The following RUNDC3B variants were observed in gnomAD, a reference collection of about 807,000 sequenced individuals.
RUNDC3B encodes RUN domain-containing protein 3B.
In RUNDC3B, 33 loss-of-function variants were observed where a neutral mutation model predicts 58.4. The ratio of observed to expected loss-of-function variants is 0.56; its 90% confidence interval spans 0.43 to 0.75. The LOEUF is 0.75. Among genes scored for constraint, RUNDC3B ranks in the 30% least tolerant of loss-of-function variants. The pLI is 0.00. For missense variants in RUNDC3B, 501 were observed against 535.7 expected (o/e 0.94, Z 0.64); for synonymous variants, 193 against 195.2 (o/e 0.99, Z 0.10).
chr7:87,715,600 T>A (rs1830514912), intron 4 of RUNDC3B, among the ~76,000 whole-genome samples: 1 of 148,148 alleles, frequency 6.8e-6, no homozygotes, highest in Admixed American at 7.0e-5. Context: ...ATTTTAATAA[T>A]TTCTCTTTAA....
In RUNDC3B at chr7:87,830,076, A is replaced by G; in HGVS notation, c.*46A>G. ...AAACTTTTTATGTTGTAAATGTTTA[A>G]TTTACATGTTTGACTGCTGGGAAGA... On this transcript the variant is annotated 3_prime_UTR_variant, in exon 11 of 11. Transcript: ENST00000394654. The G allele has an allele frequency of 7.5e-7, 1 of 1,330,946 alleles. No individual in the cohort carries two copies. The highest frequency in any genetic ancestry group is 1.0e-6 in the Non-Finnish European group (1 of 970,240). 82.4% of individuals were successfully genotyped at this position (1,330,946 alleles called of 1,614,324 possible). A position where few individuals can be genotyped will look rare whatever the true frequency, so the allele number is the denominator to read the frequency against.
At chr7:87,691,514 C>T (rs1286014978) in intron 2 of RUNDC3B, among the ~76,000 whole-genome samples, 1 of 152,068 alleles carries the variant, frequency 6.6e-6, no homozygotes, top group Non-Finnish European at 1.5e-5. Flanking sequence ...GTTTCACTTT[C>T]TTTTAACATT....
At chr7:87,633,904 G>A (rs1821475767) in intron 1 of RUNDC3B, among the ~76,000 whole-genome samples, 1 of 152,148 alleles carries the variant, frequency 6.6e-6, no homozygotes, top group Non-Finnish European at 1.5e-5. Flanking sequence ...AGTTTATAAA[G>A]AAAAGAGGTT....
chr7:87,640,947 T>C (rs1227791531), intron 1 of RUNDC3B, among the ~76,000 whole-genome samples: 3 of 152,172 alleles, frequency 2.0e-5, no homozygotes, highest in Non-Finnish European at 4.4e-5. Flanking sequence ...TCTTCTCATC[T>C]CTTGAATGTA....
chr7:87,700,783 C>T (rs1282208348), intron 3 of RUNDC3B, among the ~76,000 whole-genome samples: 3 of 152,138 alleles, frequency 2.0e-5, no homozygotes, highest in Non-Finnish European at 4.4e-5. Context: ...TTAATGGGTA[C>T]AAAATGTCAA....
At chr7:87,767,245 T>C (rs1469362531) in intron 6 of RUNDC3B, among the ~76,000 whole-genome samples, 1 of 152,230 alleles carries the variant, frequency 6.6e-6, no homozygotes, top group East Asian at 1.9e-4. Flanking sequence ...AGAATTTTCA[T>C]TTTGGTTAGG....
chr7:87,712,496 A>G (rs1830176841), intron 4 of RUNDC3B, among the ~76,000 whole-genome samples: 1 of 152,098 alleles, frequency 6.6e-6, no homozygotes, highest in Non-Finnish European at 1.5e-5. Flanking sequence ...CTATGCAAGT[A>G]GAATATTGAA....
chr7:87,796,076 T>C (rs1584231529), intron 8 of RUNDC3B, among the ~76,000 whole-genome samples: 1 of 152,126 alleles, frequency 6.6e-6, no homozygotes, highest in South Asian at 2.1e-4. Flanking sequence ...CACAGATGAA[T>C]GGATAAAGAA....
intron 2 of RUNDC3B, among the ~76,000 whole-genome samples, chr7:87,673,369 T>C (rs755837876): frequency 8.5e-5 from 13 of 152,226 alleles, no homozygotes; most frequent in Non-Finnish European, 1.8e-4. Context: ...AATCACATAT[T>C]TTGTCTCTTT....
chr7:87,701,757 T>A (rs1275566969), intron 3 of RUNDC3B, among the ~76,000 whole-genome samples: 1 of 152,148 alleles, frequency 6.6e-6, no homozygotes, highest in Non-Finnish European at 1.5e-5. Flanking sequence ...CTTCATATAC[T>A]TCAACCAAAA....
Position 87,829,990 on chromosome 7 carries a change from C to A in RUNDC3B, c.1331C>A (p.Pro444His). 1 of 1,608,784 alleles carries A rather than the reference C, an allele frequency of 6.2e-7. No homozygotes were observed. The highest frequency in any genetic ancestry group is 1.1e-5 in the South Asian group (1 of 90,236). The change falls in exon 11 of 11, where the codon CCT (proline) becomes CAT (histidine). Residue 444 changes from proline to histidine, a missense_variant. Physicochemically the swap from Pro to His is moderately conservative, Grantham distance 77. Transcript: ENST00000394654. ...SLKSNDYLAS[P>H]TTEMTSPGLT... Reference sequence around the variant, plus strand: ...AAATCTAATGACTACCTTGCAAGTCCTACAACAGAGATGACAAGTCCAGGC... The same window carrying A: ...AAATCTAATGACTACCTTGCAAGTCATACAACAGAGATGACAAGTCCAGGC...
intron 6 of RUNDC3B, among the ~76,000 whole-genome samples, chr7:87,750,887 G>T (rs1237561622): frequency 6.6e-6 from 1 of 151,568 alleles, no homozygotes; most frequent in Non-Finnish European, 1.5e-5. Flanking sequence ...AGTTTAATTA[G>T]ATCTCATTTG....
chr7:87,823,518 A>G (rs1457150292), intron 10 of RUNDC3B, among the ~76,000 whole-genome samples: 1 of 151,878 alleles, frequency 6.6e-6, no homozygotes, highest in Non-Finnish European at 1.5e-5. Flanking sequence ...TGCACCCATC[A>G]CCTGAGCAGT....
chr7:87,669,212 A>G (rs1197385020), intron 2 of RUNDC3B, among the ~76,000 whole-genome samples: 1 of 151,920 alleles, frequency 6.6e-6, no homozygotes. Context: ...GTTGAATTGA[A>G]TCCTTTACCA....
chr7:87,734,862 A>G (rs1367178069), intron 4 of RUNDC3B, among the ~76,000 whole-genome samples: 2 of 152,226 alleles, frequency 1.3e-5, no homozygotes, highest in Non-Finnish European at 2.9e-5. Context: ...CCTTTAAGTT[A>G]TACAACATTC....
chr7:87,750,086 T>A (rs1004406640), intron 6 of RUNDC3B, among the ~76,000 whole-genome samples: 7 of 151,376 alleles, frequency 4.6e-5, no homozygotes, highest in Non-Finnish European at 7.4e-5. Flanking sequence ...TGTCCATGTG[T>A]TCTCATTGTT....
At chr7:87,711,520 A>G (rs960279591) in intron 4 of RUNDC3B, among the ~76,000 whole-genome samples, 1 of 152,104 alleles carries the variant, frequency 6.6e-6, no homozygotes, top group Non-Finnish European at 1.5e-5. Flanking sequence ...TTAGGACAAC[A>G]GTCATTCCTA....
At chr7:87,783,275 T>A (rs1439776008) in intron 8 of RUNDC3B, among the ~76,000 whole-genome samples, 1 of 152,154 alleles carries the variant, frequency 6.6e-6, no homozygotes, top group Non-Finnish European at 1.5e-5. Context: ...TTGTCCTTTT[T>A]TAGTGTTGTT....
intron 3 of RUNDC3B, among the ~76,000 whole-genome samples, chr7:87,705,329 G>C (rs903286262): frequency 1.3e-5 from 2 of 152,188 alleles, no homozygotes; most frequent in African/African-American, 4.8e-5. Flanking sequence ...GGGAGGCTGA[G>C]GCAGGAGAAT....
Sources: gnomAD v4.1 joint callset for allele counts (sites outside exome capture counted in the v4.1 genomes callset) on GRCh38, gnomAD v4.1.1 for gene constraint, MANE v1.5 for transcripts, NCBI Gene and HGNC (gene_info 2026-07-23, HGNC 2026-07-21) for gene names.